The following DNAJB14 variants were observed in gnomAD, a reference collection of about 807,000 sequenced individuals.
The protein encoded by DNAJB14 is dnaJ homolog subfamily B member 14.
DNAJB14 carries 22 observed loss-of-function variants against 48.4 expected under a neutral mutation model. That is an observed-to-expected ratio of 0.45 (90% CI 0.32 to 0.65). The LOEUF is 0.65. Among genes scored for constraint, DNAJB14 ranks in the 30% least tolerant of loss-of-function variants. The pLI, the probability that DNAJB14 is intolerant of heterozygous loss-of-function variation, is 0.03. For missense variants in DNAJB14, 319 were observed against 458.8 expected (o/e 0.70, Z 2.78); for synonymous variants, 142 against 158.7 (o/e 0.89, Z 0.79).
chr4:99,915,078 A>C (rs1163818842), intron 3 of DNAJB14, among the ~76,000 whole-genome samples: 1 of 152,240 alleles, frequency 6.6e-6, no homozygotes, highest in Non-Finnish European at 1.5e-5. Context: ...TTTGTAAGGT[A>C]GAAGCATAGA....
intron 3 of DNAJB14, among the ~76,000 whole-genome samples, chr4:99,912,815 A>G (rs1328802058): frequency 3.3e-5 from 5 of 152,202 alleles, no homozygotes; most frequent in Non-Finnish European, 7.3e-5. Flanking sequence ...CTTCCCATCC[A>G]TGAACATGAT....
intron 6 of DNAJB14, among the ~76,000 whole-genome samples, chr4:99,905,006 T>G (rs1385262080): frequency 3.9e-5 from 6 of 152,008 alleles, no homozygotes; most frequent in Non-Finnish European, 1.5e-5. Context: ...TTTTTATTAT[T>G]TTTTCTTTAT....
intron 7 of DNAJB14, 69 bp downstream of exon 7, chr4:99,903,657 G>T: frequency 6.8e-7 from 1 of 1,476,952 alleles, no homozygotes; most frequent in Non-Finnish European, 9.1e-7. Flanking sequence ...CTTGAATAGG[G>T]AAATCTACAT....
intron 2 of DNAJB14, chr4:99,923,696 G>T (rs1726144729): frequency 2.0e-6 from 2 of 983,724 alleles, no homozygotes; most frequent in South Asian, 4.7e-5. Flanking sequence ...TGGTTTAAAT[G>T]TCAATATTTA....
rs571368555 is a variant in DNAJB14 at position 99,938,440 on chromosome 4, G to A, written c.134-7819C>T. 8.6e-5 allele frequency among the ~76,000 whole-genome samples: 13 copies of A among 150,906 alleles called. No individual in the cohort carries two copies. In the East Asian group the frequency reaches 2.3e-3, roughly 27 times the overall value. Reference sequence around the variant, plus strand: ...CTGATTTCATAAACTTGATGGTTACGCTGTGATTATCTAAGAGAGTGTCCT... The same window carrying A: ...CTGATTTCATAAACTTGATGGTTACACTGTGATTATCTAAGAGAGTGTCCT... On this transcript the variant is annotated intron_variant, in intron 1 of 7. Transcript: ENST00000442697.
chr4:99,903,694 G>A lies in DNAJB14; in HGVS notation c.1015+32C>T, dbSNP rs1725370919. ...AATCAGTTCCAAAGACTGCGAATAA[G>A]TTTTAAAATGTTAAACACATGACAA... On this transcript the variant is annotated intron_variant, in intron 7 of 7. Transcript: ENST00000442697. The A allele has an allele frequency of 2.5e-6, 4 of 1,586,674 alleles. No individual in the cohort carries two copies. In the East Asian group the frequency reaches 9.0e-5, roughly 36 times the overall value.
In DNAJB14 at chr4:99,923,011, G is replaced by A. The variant is rs921226453; in HGVS notation, c.451+29C>T. 4 of 1,577,272 alleles carry A rather than the reference G, an allele frequency of 2.5e-6. No individual in the cohort carries two copies. In the African/African-American group the frequency reaches 5.5e-5, roughly 22 times the overall value. ...TAAAGTGAATTCTAAAGACAGCTTA[G>A]TAAAATTGCTTTAAAAGGTTTACTT... On this transcript the variant is annotated intron_variant, in intron 3 of 7. Coordinates refer to ENST00000442697, the MANE Select transcript of DNAJB14 (RefSeq NM_001031723.4).
chr4:99,923,665 C>G, intron 2 of DNAJB14: 1 of 985,232 alleles, frequency 1.0e-6, no homozygotes, highest in Admixed American at 6.1e-5. Context: ...TTAGTACACG[C>G]AAAACAACAG....
chr4:99,945,522 A>G (rs1727037577), intron 1 of DNAJB14, among the ~76,000 whole-genome samples: 1 of 152,214 alleles, frequency 6.6e-6, no homozygotes, highest in Non-Finnish European at 1.5e-5. Flanking sequence ...TGACTTTGCT[A>G]CTAATTGTTG....
At chr4:99,912,761 G>A (rs1425262071) in intron 3 of DNAJB14, among the ~76,000 whole-genome samples, 2 of 152,180 alleles carry the variant, frequency 1.3e-5, no homozygotes, top group Non-Finnish European at 2.9e-5. Flanking sequence ...TTACAGGTGT[G>A]AGTCACCGTG....
chr4:99,930,694 A>G (rs1416458785), intron 1 of DNAJB14, 73 bp from the exon 2 acceptor site: 4 of 1,452,116 alleles, frequency 2.8e-6, no homozygotes, highest in Non-Finnish European at 3.7e-6. Context: ...AGAAAGTTTT[A>G]AAGCAGACAA....
intron 1 of DNAJB14, among the ~76,000 whole-genome samples, chr4:99,934,650 G>A (rs1288198787): frequency 8.6e-5 from 13 of 150,796 alleles, no homozygotes; most frequent in South Asian, 4.2e-4. Flanking sequence ...AAAATTAGCC[G>A]GGCGTGATGA....
intron 1 of DNAJB14, among the ~76,000 whole-genome samples, 174 bp downstream of exon 1, chr4:99,946,265 G>A (rs1168509371): frequency 6.6e-6 from 1 of 152,176 alleles, no homozygotes; most frequent in Non-Finnish European, 1.5e-5. Context: ...CGGAGCCGGG[G>A]CTGGGGCCAG....
intron 4 of DNAJB14, among the ~76,000 whole-genome samples, chr4:99,907,170 T>G (rs1725495520): frequency 6.6e-6 from 1 of 152,182 alleles, no homozygotes; most frequent in Non-Finnish European, 1.5e-5. Flanking sequence ...GCAAAATAAC[T>G]GCAAATCAAG....
At chr4:99,913,449 T>C (rs1052700280) in intron 3 of DNAJB14, among the ~76,000 whole-genome samples, 12 of 152,184 alleles carry the variant, frequency 7.9e-5, no homozygotes, top group Non-Finnish European at 1.0e-4. Flanking sequence ...GGATTTTTTT[T>C]CTTTAATTAA....
In DNAJB14 at chr4:99,905,579, C is replaced by T; in HGVS notation, c.842+18G>A. On this transcript the variant is annotated intron_variant, in intron 6 of 7. Coordinates refer to ENST00000442697, the MANE Select transcript of DNAJB14 (RefSeq NM_001031723.4). Reference sequence around the variant, plus strand: ...TAGCAACAATTCATTTTTTGTAAAACTTCACTTGGCTACTTACGATCTGGG... The same window carrying T: ...TAGCAACAATTCATTTTTTGTAAAATTTCACTTGGCTACTTACGATCTGGG... 1 of 1,581,156 alleles carries T rather than the reference C, an allele frequency of 6.3e-7. No individual in the cohort carries two copies. Among genetic ancestry groups the T allele is most frequent in the Non-Finnish European group, 8.6e-7 (1 of 1,157,634 alleles).
intron 4 of DNAJB14, among the ~76,000 whole-genome samples, chr4:99,908,178 TAGTTAA>T (rs986490988): frequency 2.7e-5 from 4 of 149,026 alleles, no homozygotes; most frequent in Non-Finnish European, 5.9e-5. Flanking sequence ...TTTGATAGTC[TAGTTAA>T]AGTTAGCTAT....
chr4:99,909,248 C>T (rs1436305934), intron 3 of DNAJB14, among the ~76,000 whole-genome samples: 1 of 151,952 alleles, frequency 6.6e-6, no homozygotes, highest in Non-Finnish European at 1.5e-5. Context: ...CTAAGAACTG[C>T]CAGGCTCTGC....
Position 99,905,602 on chromosome 4 carries a change from G to A in DNAJB14, c.837C>T (p.Pro279=). 2 of 1,606,680 alleles carry A rather than the reference G, an allele frequency of 1.2e-6. No individual in the cohort carries two copies. Among genetic ancestry groups the A allele is most frequent in the Non-Finnish European group, 1.7e-6 (2 of 1,175,964 alleles). ...AACTTCACTTGGCTACTTACGATCT[G>A]GGATATAAGGAATAAGGAGGATTAG... is the stretch of plus-strand genomic sequence containing the variant. ...MVSNPPYSLY[P]RSGTGQTIKM... is the part of the protein sequence containing the mutation. Residue 279 remains proline (P), a synonymous_variant, in exon 6 of 8, where the codon CCC becomes CCT. Transcript: ENST00000442697.
Sources: allele counts gnomAD v4.1 joint callset (sites outside exome capture counted in the v4.1 genomes callset), GRCh38; gene constraint gnomAD v4.1.1; transcripts MANE v1.5; gene names NCBI Gene and HGNC (gene_info 2026-07-23, HGNC 2026-07-21).